STK31: variants seen among roughly 807,000 people sequenced by gnomAD.
STK31 encodes the protein serine/threonine kinase 31, also known as serine/threonine-protein kinase 31.
In STK31, 89 loss-of-function variants were observed where a neutral mutation model predicts 129.7. The ratio of observed to expected loss-of-function variants is 0.69; its 90% CI spans 0.58 to 0.82. The LOEUF is 0.82. STK31 is among the 40% of genes least tolerant of loss of function. The pLI, the probability that STK31 is intolerant of heterozygous loss-of-function variation, is 0.00. For synonymous variants in STK31, 448 were observed against 395.3 expected (o/e 1.13, Z -1.58); for missense variants, 1,187 against 1,176.4 (o/e 1.01, Z -0.13).
intron 22 of STK31, among the ~76,000 whole-genome samples, chr7:23,814,007 A>G (rs1041325894): frequency 6.6e-6 from 1 of 152,046 alleles, no homozygotes; most frequent in African/African-American, 2.4e-5. Context: ...GGAGGTTTCC[A>G]GTTGAACCTT....
At chr7:23,783,411 G>A (rs758003182) in intron 16 of STK31, among the ~76,000 whole-genome samples, 172 bp from the exon 17 acceptor site, 2 of 152,152 alleles carry the variant, frequency 1.3e-5, no homozygotes, top group Non-Finnish European at 2.9e-5. Context: ...GCAGATGCAA[G>A]GTGAGTCGTG....
intron 1 of STK31, 126 bp downstream of exon 1, chr7:23,710,461 C>A: frequency 6.4e-7 from 1 of 1,556,310 alleles, no homozygotes; most frequent in South Asian, 1.2e-5. Flanking sequence ...CACCTTCTAG[C>A]CGCCCGCCAC....
chr7:23,827,302 A>C (rs1794221756), intron 23 of STK31, among the ~76,000 whole-genome samples: 1 of 151,904 alleles, frequency 6.6e-6, no homozygotes, highest in Non-Finnish European at 1.5e-5. Context: ...ATTTCTTTTT[A>C]TTCTTTTTTC....
intron 8 of STK31, among the ~76,000 whole-genome samples, chr7:23,746,166 G>A (rs535327282): frequency 6.6e-6 from 1 of 152,152 alleles, no homozygotes; most frequent in African/African-American, 2.4e-5. Context: ...CTTAGGATTG[G>A]GGGGTGGGTG....
At chr7:23,764,405 C>A (rs1182294165) in intron 11 of STK31, among the ~76,000 whole-genome samples, 1 of 152,142 alleles carries the variant, frequency 6.6e-6, no homozygotes, top group African/African-American at 2.4e-5. Flanking sequence ...ATTCTTTAAA[C>A]TTCTCTTTAT....
At chr7:23,801,892 T>C (rs1029598762) in intron 22 of STK31, among the ~76,000 whole-genome samples, 4 of 152,192 alleles carry the variant, frequency 2.6e-5, no homozygotes, top group African/African-American at 9.6e-5. Context: ...TGTTGATCTG[T>C]GTGTCTATCC....
At chr7:23,829,776 G>A (rs574554957) in intron 23 of STK31, among the ~76,000 whole-genome samples, 1 of 152,130 alleles carries the variant, frequency 6.6e-6, no homozygotes, top group Non-Finnish European at 1.5e-5. Flanking sequence ...TTCTATGTTG[G>A]GAGACTTTCT....
At chr7:23,715,065 A>G (rs1786219097) in intron 3 of STK31, among the ~76,000 whole-genome samples, 1 of 152,240 alleles carries the variant, frequency 6.6e-6, no homozygotes, top group Non-Finnish European at 1.5e-5. Flanking sequence ...CTAATGGTAT[A>G]TAAATGAATG....
Position 23,735,592 on chromosome 7 carries a change from A to C in STK31, c.538A>C (p.Lys180Gln), listed in dbSNP as rs1787670432. The change falls in exon 7 of 24, where the codon AAA (lysine) becomes CAA (glutamine). Residue 180 changes from lysine to glutamine, a missense_variant. Coordinates refer to ENST00000355870, the MANE Select transcript of STK31 (RefSeq NM_031414.5). ...TGAAAAGGAAATAAAAATGAGAATTAAAGCAACCTCTGAAGATGGAACAGT... is the reference window on the plus strand; with the variant it reads ...TGAAAAGGAAATAAAAATGAGAATTCAAGCAACCTCTGAAGATGGAACAGT... ...IFEKEIKMRI[K>Q]ATSEDGTVIA... is the part of the protein sequence containing the mutation. The C allele has an allele frequency of 6.2e-7, 1 of 1,611,578 alleles. No individual in the cohort carries two copies. The highest frequency in any genetic ancestry group is 1.3e-5 in the African/African-American group (1 of 74,784).
rs900015922 is a variant in STK31 at position 23,772,039 on chromosome 7, T to G, written c.1834-108T>G. 2.5e-5 allele frequency: 19 copies of G among 748,236 alleles called. No individual in the cohort carries two copies. The Admixed American group carries it at 7.1e-4, about 28-fold the overall frequency. 46.3% of individuals were successfully genotyped at this position (748,236 alleles called of 1,614,324 possible). A position where few individuals can be genotyped will look rare whatever the true frequency, so the allele number is the denominator to read the frequency against. On this transcript the variant is annotated intron_variant, in intron 14 of 23. Transcript: ENST00000355870. ...TATAGATTTTCTTGGTATTTCAGTC[T>G]GAACTCAGTAAATACTAGTTGAATC...
At chr7:23,757,208 G>A (rs1199377427) in intron 10 of STK31, among the ~76,000 whole-genome samples, 2 of 152,132 alleles carry the variant, frequency 1.3e-5, no homozygotes, top group Non-Finnish European at 2.9e-5. Context: ...GCTTCTTCCA[G>A]AAGGGGTGGC....
intron 3 of STK31, among the ~76,000 whole-genome samples, chr7:23,714,467 T>G (rs1280641953): frequency 6.6e-6 from 1 of 152,236 alleles, no homozygotes; most frequent in Non-Finnish European, 1.5e-5. Context: ...TAAAACATTT[T>G]TGGCAGCCAC....
chr7:23,765,350 G>C (rs1442196591), intron 11 of STK31, among the ~76,000 whole-genome samples: 1 of 152,074 alleles, frequency 6.6e-6, no homozygotes, highest in Admixed American at 6.6e-5. Context: ...ACCGCACCTG[G>C]CTTCTCCCTT....
In STK31 at chr7:23,764,762, T is replaced by G. The variant is rs530415856; in HGVS notation, c.1416+1839T>G. 1.5e-3 allele frequency among the ~76,000 whole-genome samples: 234 copies of G among 152,304 alleles called. 2 individuals carry two copies. The highest frequency in any genetic ancestry group is 8.7e-3 in the Admixed American group (133 of 15,298). ...TCTTTTGGTTCTTGTTCAAAGTATT[T>G]CAGCGCCACATTGTTGGGTGTTAAG... is the stretch of plus-strand genomic sequence containing the variant. On this transcript the variant is annotated intron_variant, in intron 11 of 23. Transcript: ENST00000355870.
At chr7:23,744,562 A>C (rs1027080188) in intron 8 of STK31, among the ~76,000 whole-genome samples, 11 of 152,146 alleles carry the variant, frequency 7.2e-5, no homozygotes, top group Admixed American at 7.2e-4. Context: ...TGGGTGTAAC[A>C]GTTGCTTCTT....
intron 22 of STK31, chr7:23,791,389 G>C (rs2128114525): frequency 1.3e-6 from 1 of 747,122 alleles, no homozygotes; most frequent in Non-Finnish European, 1.6e-6. Flanking sequence ...GCCAAATACT[G>C]CATGTTCTCA....
chr7:23,741,261 T>G (rs931725410), intron 8 of STK31, among the ~76,000 whole-genome samples: 1 of 152,206 alleles, frequency 6.6e-6, no homozygotes, highest in African/African-American at 2.4e-5. Flanking sequence ...AAGCTATAGT[T>G]CTTTTTAGTG....
chr7:23,754,951 A>G (rs1357556676), intron 10 of STK31: 1 of 153,622 alleles, frequency 6.5e-6, no homozygotes, highest in Non-Finnish European at 1.4e-5. Flanking sequence ...ACAGTGCTGC[A>G]GTAAACATAC....
At chr7:23,780,382 G>T (rs1244058841) in intron 15 of STK31, among the ~76,000 whole-genome samples, 1 of 152,192 alleles carries the variant, frequency 6.6e-6, no homozygotes, top group Non-Finnish European at 1.5e-5. Context: ...TTTTGCCAAG[G>T]TTAAGGATGC....
Sources: allele counts gnomAD v4.1 joint callset (sites outside exome capture counted in the v4.1 genomes callset), GRCh38; gene constraint gnomAD v4.1.1; transcripts MANE v1.5; gene names NCBI Gene and HGNC (gene_info 2026-07-23, HGNC 2026-07-21).